The following TIAM1 variants were observed in gnomAD, a reference collection of about 807,000 sequenced individuals.
The protein encoded by TIAM1 is TIAM Rac1 associated GEF 1.
Under a neutral mutation model 163.5 loss-of-function variants are expected in TIAM1, and 65 were observed. The observed-to-expected ratio is 0.40, with a 90% confidence interval of 0.33 to 0.49. TIAM1 has a LOEUF of 0.49. TIAM1 is among the 20% of genes least tolerant of loss of function. TIAM1 has a pLI of 0.77. For synonymous variants in TIAM1, 833 were observed against 810.1 expected (o/e 1.03, Z -0.48); for missense variants, 1,789 against 2,044.7 (o/e 0.87, Z 2.41).
intron 2 of TIAM1, among the ~76,000 whole-genome samples, chr21:31,350,307 T>C (rs1019669460): frequency 6.6e-6 from 1 of 152,172 alleles, no homozygotes; most frequent in Non-Finnish European, 1.5e-5. Flanking sequence ...ATCATTTTGA[T>C]TTTTATTTTA....
intron 19 of TIAM1, among the ~76,000 whole-genome samples, chr21:31,151,247 T>C (rs1222002284): frequency 1.3e-5 from 2 of 152,330 alleles, no homozygotes; most frequent in African/African-American, 2.4e-5. Context: ...CATATATCCA[T>C]ACTAAAACTT....
intron 2 of TIAM1, among the ~76,000 whole-genome samples, chr21:31,404,091 C>CT (rs1215801717): frequency 1.3e-5 from 2 of 152,118 alleles, no homozygotes; most frequent in Non-Finnish European, 2.9e-5. Context: ...CAGTCCATAC[C>CT]TTTTATCTGA....
intron 4 of TIAM1, among the ~76,000 whole-genome samples, chr21:31,258,183 C>A (rs1284493732): frequency 6.6e-6 from 1 of 152,128 alleles, no homozygotes; most frequent in Non-Finnish European, 1.5e-5. Context: ...ACGAGCTCCA[C>A]GAGCTTGTGG....
chr21:31,225,130 TC>T (rs2087872244), intron 7 of TIAM1, among the ~76,000 whole-genome samples: 1 of 151,972 alleles, frequency 6.6e-6, no homozygotes, highest in Non-Finnish European at 1.5e-5. Flanking sequence ...GGCGATCCTC[TC>T]CTCTCGGCCT....
intron 14 of TIAM1, among the ~76,000 whole-genome samples, chr21:31,185,591 AT>A (rs1482979756): frequency 7.0e-6 from 1 of 141,984 alleles, no homozygotes; most frequent in Non-Finnish European, 1.5e-5. Context: ...ATAATATATT[AT>A]ATATCATATA....
intron 1 of TIAM1, among the ~76,000 whole-genome samples, chr21:31,482,969 T>C (rs866547748): frequency 7.9e-5 from 12 of 152,266 alleles, no homozygotes; most frequent in Middle Eastern, 6.8e-3. Context: ...GCGCCCATTT[T>C]ACAGATGAGG....
Position 31,120,363 on chromosome 21 carries a change from C to T in TIAM1, c.*5G>A, listed in dbSNP as rs373702887. 2.9e-5 allele frequency: 46 copies of T among 1,597,980 alleles called. 1 individual carries two copies. The African/African-American group carries it at 3.1e-4, about 11-fold the overall frequency. Reference sequence around the variant, plus strand: ...CACACATTCTCTACGGGGCAGGTGACGCAGTCAGATCTCAGTGTTCAGTTT... The same window carrying T: ...CACACATTCTCTACGGGGCAGGTGATGCAGTCAGATCTCAGTGTTCAGTTT... On this transcript the variant is annotated 3_prime_UTR_variant, in exon 28 of 28. Transcript: ENST00000541036. The surrounding 1 kb of genome is among the most constrained non-coding windows in gnomAD (Gnocchi z 4.2).
chr21:31,385,554 C>T (rs2076851486), intron 2 of TIAM1, among the ~76,000 whole-genome samples: 1 of 151,756 alleles, frequency 6.6e-6, no homozygotes, highest in Non-Finnish European at 1.5e-5. Flanking sequence ...ACAAGTGAAA[C>T]ATTCATCAGA....
chr21:31,413,264 C>CTTTTTTTTTTTTTT (rs397866519), intron 2 of TIAM1, among the ~76,000 whole-genome samples: 42 of 87,876 alleles, frequency 4.8e-4, no homozygotes, highest in African/African-American at 6.1e-4. Flanking sequence ...CTTTTCTTTT[C>CTTTTTTTTTTTTTT]TTTTTTTTTT....
intron 2 of TIAM1, among the ~76,000 whole-genome samples, chr21:31,277,315 A>C (rs984274544): frequency 6.6e-6 from 1 of 152,234 alleles, no homozygotes; most frequent in African/African-American, 2.4e-5. Context: ...TTACAATGCC[A>C]TGGCAATGTC....
At chr21:31,402,661 A>G (rs2077184932) in intron 2 of TIAM1, among the ~76,000 whole-genome samples, 1 of 152,190 alleles carries the variant, frequency 6.6e-6, no homozygotes, top group Non-Finnish European at 1.5e-5. Flanking sequence ...AAAACTGACT[A>G]AAGGCCGGGC....
intron 1 of TIAM1, among the ~76,000 whole-genome samples, chr21:31,550,632 A>G (rs1322392357): frequency 6.6e-6 from 1 of 152,232 alleles, no homozygotes; most frequent in African/African-American, 2.4e-5. Context: ...AGGTGGAAGT[A>G]TATCTTAATA....
At chr21:31,468,361 T>TA (rs939297040) in intron 1 of TIAM1, among the ~76,000 whole-genome samples, 20 of 151,930 alleles carry the variant, frequency 1.3e-4, no homozygotes, top group South Asian at 6.2e-4. Flanking sequence ...TGCATGCCTG[T>TA]AATCCCAGCT....
chr21:31,478,214 CAT>C (rs775161783), intron 1 of TIAM1, among the ~76,000 whole-genome samples: 2 of 152,228 alleles, frequency 1.3e-5, no homozygotes, highest in Non-Finnish European at 2.9e-5. Flanking sequence ...AAACTAGACA[CAT>C]GTAAACTTTT....
At chr21:31,290,905 G>C (rs2073995606) in intron 2 of TIAM1, among the ~76,000 whole-genome samples, 1 of 152,146 alleles carries the variant, frequency 6.6e-6, no homozygotes, top group South Asian at 2.1e-4. Context: ...GGAGACATGT[G>C]CTGATATCCT....
At chr21:31,465,805 C>T (rs550903089) in intron 1 of TIAM1, among the ~76,000 whole-genome samples, 4 of 152,164 alleles carry the variant, frequency 2.6e-5, no homozygotes, top group African/African-American at 9.6e-5. Flanking sequence ...CTCCTGACCT[C>T]ATGATCCGCC....
rs71321377 is a variant in TIAM1 at position 31,298,424 on chromosome 21, C to T, written c.-188-21516G>A. On this transcript the variant is annotated intron_variant, in intron 2 of 27. Coordinates refer to ENST00000541036, the MANE Select transcript of TIAM1 (RefSeq NM_001353694.2). ...AGTTAGTGTGTCATGGTGACTACCG[C>T]GGGAAATAATCTTAATGAAATGTGC... 3.4e-3 allele frequency among the ~76,000 whole-genome samples: 524 copies of T among 152,226 alleles called. 2 individuals are homozygous for T. The highest frequency in any genetic ancestry group is 0.014 in the Middle Eastern group (4 of 294).
intron 1 of TIAM1, among the ~76,000 whole-genome samples, chr21:31,474,048 G>A (rs2284523): frequency 0.31 from 46,811 of 152,018 alleles, 7,401 homozygotes; most frequent in Non-Finnish European, 0.35. Flanking sequence ...CATGTCACAA[G>A]GCGAGAGAGA....
chr21:31,515,962 G>A (rs1034611185), intron 1 of TIAM1, among the ~76,000 whole-genome samples: 1 of 151,462 alleles, frequency 6.6e-6, no homozygotes, highest in African/African-American at 2.4e-5. Context: ...AGAAAAATTA[G>A]CTGGGTGTGG....
Sources: allele counts gnomAD v4.1 joint callset (sites outside exome capture counted in the v4.1 genomes callset), GRCh38; gene constraint gnomAD v4.1.1; non-coding constraint Gnocchi (gnomAD v3.1); transcripts MANE v1.5; gene names NCBI Gene and HGNC (gene_info 2026-07-23, HGNC 2026-07-21).